Variants in AZIN1 observed in about 807,000 individuals in gnomAD.
AZIN1 encodes the protein ornithine decarboxylase antizyme inhibitor.
AZIN1 carries 12 observed loss-of-function variants against 47.4 expected under a neutral mutation model. The ratio of observed to expected loss-of-function variants is 0.25; its 90% CI spans 0.16 to 0.41. The LOEUF is 0.41. Ranked by LOEUF, AZIN1 falls within the 10% of genes least tolerant of loss-of-function variation. The pLI, the probability that AZIN1 is intolerant of heterozygous loss-of-function variation, is 1.00. For synonymous variants in AZIN1, 155 were observed against 176.3 expected, an observed-to-expected ratio of 0.88 and a Z score of 0.96; for missense variants, 410 against 532.4, an observed-to-expected ratio of 0.77 and a Z score of 2.26.
In AZIN1 at chr8:102,836,322, G is replaced by A; in HGVS notation, c.518C>T (p.Thr173Ile). 1 of 1,613,264 alleles carries A rather than the reference G, an allele frequency of 6.2e-7. No homozygotes were observed. Among genetic ancestry groups the A allele is most frequent in the Non-Finnish European group, 8.5e-7 (1 of 1,179,240 alleles). ...CAAGAGATGCCTACAGTTCTTCAGG[G>A]TAGTGCCAAACTTCATGTTACCCTC... ...GEEGNMKFGTTLKNCRHLLEC... is the reference protein window; with the variant it reads ...GEEGNMKFGTILKNCRHLLEC... Residue 173 changes from threonine (T) to isoleucine (I), a missense_variant, in exon 6 of 12, where the codon ACC becomes ATC. By Grantham distance (89) the Thr-to-Ile change is moderately conservative. This residue lies in a region of AZIN1 where 237 missense variants were observed against 309.4 expected (regional missense o/e 0.77). Coordinates refer to ENST00000337198, the MANE Select transcript of AZIN1 (RefSeq NM_148174.4).
upstream of AZIN1, chr8:102,864,172 G>T (rs1010109668): frequency 4.4e-5 from 8 of 181,698 alleles, no homozygotes; most frequent in African/African-American, 7.2e-5. Flanking sequence ...GTGAGAAGGC[G>T]GCGCCAGCGA....
chr8:102,863,599 G>A (rs1813900974), intron 1 of AZIN1, among the ~76,000 whole-genome samples: 1 of 147,796 alleles, frequency 6.8e-6, no homozygotes, highest in Non-Finnish European at 1.5e-5. Flanking sequence ...CCGCCCGAAG[G>A]TCCTGAGGCG....
chr8:102,827,766 T>C lies in AZIN1; in HGVS notation c.*801A>G, dbSNP rs1269196279. On this transcript the variant is annotated 3_prime_UTR_variant, in exon 12 of 12. Coordinates refer to ENST00000337198, the MANE Select transcript of AZIN1 (RefSeq NM_148174.4). ...AGGATTAACATTTTTGGTGTTAAAATTGTTAAACATCATGCTTACTGCACA... is the reference window on the plus strand; with the variant it reads ...AGGATTAACATTTTTGGTGTTAAAACTGTTAAACATCATGCTTACTGCACA... 2 of 152,656 alleles carry C rather than the reference T, an allele frequency of 1.3e-5. No homozygotes were observed. Among genetic ancestry groups the C allele is most frequent in the Non-Finnish European group, 2.9e-5 (2 of 68,030 alleles). The allele number at this position is 152,656 out of a possible 1,614,324, so 9.5% of individuals were successfully genotyped here. A position where few individuals can be genotyped will look rare whatever the true frequency, so the allele number is the denominator to read the frequency against.
intron 9 of AZIN1, chr8:102,830,184 A>G: frequency 3.3e-6 from 1 of 300,108 alleles, no homozygotes; most frequent in South Asian, 4.9e-5. Context: ...TCAGGAGTTC[A>G]AGATCAGCCT....
At position 102,836,196 on chromosome 8, in the gene AZIN1, G is replaced by C. The variant is rs1811812713; in HGVS notation, c.584+60C>G. On this transcript the variant is annotated intron_variant, in intron 6 of 11. Coordinates refer to ENST00000337198, the MANE Select transcript of AZIN1 (RefSeq NM_148174.4). ...AAATAAAGTCTTAAATCAATAACCA[G>C]AAAGACAGGTTACCACCATAAAATG... is the stretch of plus-strand genomic sequence containing the variant. 3.9e-6 allele frequency: 6 copies of C among 1,521,342 alleles called. No individual in the cohort carries two copies. The South Asian group carries it at 7.3e-5, about 18-fold the overall frequency. The allele number at this position is 1,521,342 out of a possible 1,614,324, so 94.2% of individuals were successfully genotyped here.
At chr8:102,845,436 T>C (rs1812508609) in intron 2 of AZIN1, among the ~76,000 whole-genome samples, 1 of 152,244 alleles carries the variant, frequency 6.6e-6, no homozygotes, top group African/African-American at 2.4e-5. Context: ...ACCAAGTTAA[T>C]TGAGGCCTAT....
intron 2 of AZIN1, among the ~76,000 whole-genome samples, chr8:102,849,251 C>T (rs1812777798): frequency 6.6e-6 from 1 of 152,110 alleles, no homozygotes; most frequent in Non-Finnish European, 1.5e-5. Flanking sequence ...TGAGATTGTG[C>T]CACAGCACTC....
At chr8:102,854,237 C>A (rs959025517) in intron 2 of AZIN1, among the ~76,000 whole-genome samples, 2 of 151,826 alleles carry the variant, frequency 1.3e-5, no homozygotes, top group African/African-American at 4.8e-5. Flanking sequence ...CCGCACCCAG[C>A]GGACAACCTC....
At chr8:102,855,541 T>C (rs1316792939) in intron 2 of AZIN1, 1 of 152,222 alleles carries the variant, frequency 6.6e-6, no homozygotes, top group Non-Finnish European at 1.5e-5. Context: ...TTCCAGATAC[T>C]TAGTTTATTC....
At position 102,840,498 on chromosome 8, in the gene AZIN1, C is replaced by T. The variant is rs182288126; in HGVS notation, c.103-675G>A. 1.4e-4 allele frequency among the ~76,000 whole-genome samples: 22 copies of T among 152,256 alleles called. No individual in the cohort carries two copies. In the East Asian group the frequency reaches 4.0e-3, roughly 28 times the overall value. ...GTGCTGGGATTACAGGTGTGAGCCACCGTGACCAACCAGGAAACCATTTTT... is the reference window on the plus strand; with the variant it reads ...GTGCTGGGATTACAGGTGTGAGCCATCGTGACCAACCAGGAAACCATTTTT... On this transcript the variant is annotated intron_variant, in intron 3 of 11. Transcript: ENST00000337198.
intron 2 of AZIN1, among the ~76,000 whole-genome samples, chr8:102,846,578 C>T (rs926714089): frequency 5.9e-5 from 9 of 152,078 alleles, no homozygotes; most frequent in Non-Finnish European, 1.2e-4. Flanking sequence ...AATGATCAAA[C>T]TACATTTAAA....
rs974395562 is a variant in AZIN1 at position 102,828,083 on chromosome 8, T to C, written c.*484A>G. ...ATACTATGATGCAATTTTACATTTA[T>C]TAAACTACAGTTCAAAGCACAAATT... On this transcript the variant is annotated 3_prime_UTR_variant, in exon 12 of 12. Coordinates refer to ENST00000337198, the MANE Select transcript of AZIN1 (RefSeq NM_148174.4). The C allele has an allele frequency of 2.6e-5, 4 of 152,726 alleles. No homozygotes were observed. The highest frequency in any genetic ancestry group is 7.2e-5 in the African/African-American group (3 of 41,470). 9.5% of individuals were successfully genotyped at this position (152,726 alleles called of 1,614,324 possible).
Position 102,829,384 on chromosome 8 carries a change from C to T in AZIN1, c.1123G>A (p.Val375Met). 2.5e-6 allele frequency: 4 copies of T among 1,614,076 alleles called. No individual in the cohort carries two copies. The highest frequency in any genetic ancestry group is 1.1e-5 in the South Asian group (1 of 91,082). Residue 375 changes from valine to methionine, a missense_variant, in exon 11 of 12, where the codon GTG (valine) becomes ATG (methionine). By Grantham distance (21) the Val-to-Met change is conservative. Coordinates refer to ENST00000337198, the MANE Select transcript of AZIN1 (RefSeq NM_148174.4). ...VESCLLPELN[V>M]GDWLIFDNMG... ...TTATCAAAGATAAGCCAATCTCCCA[C>T]ATTCAGCTCAGGAAGAAGACAGCTT...
At position 102,828,645 on chromosome 8, in the gene AZIN1, G is replaced by A. The variant is rs775390644; in HGVS notation, c.1269C>T (p.Asp423=). 17 of 1,610,542 alleles carry A rather than the reference G, an allele frequency of 1.1e-5. No individual in the cohort carries two copies. The highest frequency in any genetic ancestry group is 3.3e-5 in the Admixed American group (2 of 59,894). ...YEMQDAGITS[D]SMMKNFFFVP... ...CAAAGAAGAAGTTCTTCATCATTGAGTCTGAAGTAATTCCAGCATCTTGCA... is the reference window on the plus strand; with the variant it reads ...CAAAGAAGAAGTTCTTCATCATTGAATCTGAAGTAATTCCAGCATCTTGCA... Residue 423 remains aspartate, a synonymous_variant, in exon 12 of 12, where the codon GAC becomes GAT. Coordinates refer to ENST00000337198, the MANE Select transcript of AZIN1 (RefSeq NM_148174.4).
chr8:102,834,641 A>G, intron 7 of AZIN1, 25 bp downstream of exon 7: 1 of 1,538,922 alleles, frequency 6.5e-7, no homozygotes, highest in African/African-American at 1.4e-5. Context: ...TAAAATATCA[A>G]AATAACTTAA....
intron 2 of AZIN1, among the ~76,000 whole-genome samples, chr8:102,846,902 T>G (rs1033781280): frequency 1.3e-5 from 2 of 152,178 alleles, no homozygotes; most frequent in African/African-American, 4.8e-5. Context: ...AAGACTTTTA[T>G]AGAAGCTAAA....
chr8:102,851,312 G>C (rs1398740315), intron 2 of AZIN1, among the ~76,000 whole-genome samples: 2 of 152,188 alleles, frequency 1.3e-5, no homozygotes, highest in African/African-American at 2.4e-5. Flanking sequence ...CCTTAAGGCA[G>C]AGCTCATTGC....
chr8:102,862,858 G>C (rs28625448), intron 1 of AZIN1, among the ~76,000 whole-genome samples: 10,983 of 152,242 alleles, frequency 0.072, 1,338 homozygotes, highest in African/African-American at 0.25. Flanking sequence ...TGAACCAGCA[G>C]CTTTGTCTAC....
At chr8:102,856,021 ATT>A (rs1464996206) in intron 2 of AZIN1, 2 of 152,006 alleles carry the variant, frequency 1.3e-5, no homozygotes, top group Non-Finnish European at 2.9e-5. Flanking sequence ...ATTTAGGAAT[ATT>A]AACACTAAAT....
Sources: allele counts gnomAD v4.1 joint callset (sites outside exome capture counted in the v4.1 genomes callset), GRCh38; gene constraint gnomAD v4.1.1; regional missense constraint gnomAD v4.1.1; transcripts MANE v1.5; gene names NCBI Gene and HGNC (gene_info 2026-07-23, HGNC 2026-07-21).